Variants in ROBO1 observed in about 807,000 individuals in gnomAD.
ROBO1 encodes the protein roundabout guidance receptor 1.
In ROBO1, 149 loss-of-function variants were observed where a neutral mutation model predicts 195.9. That is an observed-to-expected ratio of 0.76 (90% CI 0.67 to 0.87). The LOEUF (loss-of-function observed/expected upper bound fraction) is 0.87. Among genes scored for constraint, ROBO1 ranks in the 40% least tolerant of loss-of-function variants. The pLI, the probability that ROBO1 is intolerant of heterozygous loss-of-function variation, is 0.00. For synonymous variants in ROBO1, 816 were observed against 733.2 expected (o/e 1.11, Z -1.82); for missense variants, 1,933 against 2,068.3 (o/e 0.93, Z 1.27).
At chr3:78,930,961 G>A (rs1364117569) in intron 4 of ROBO1, among the ~76,000 whole-genome samples, 1 of 151,908 alleles carries the variant, frequency 6.6e-6, no homozygotes, top group African/African-American at 2.4e-5. Flanking sequence ...ATTCCTTCCT[G>A]GCACTTGTCA....
At chr3:78,652,611 A>T (rs1331673074) in intron 18 of ROBO1, among the ~76,000 whole-genome samples, 1 of 152,194 alleles carries the variant, frequency 6.6e-6, no homozygotes, top group Non-Finnish European at 1.5e-5. Context: ...GTTACCATTG[A>T]AAGAGCCATG....
At chr3:78,672,249 A>C (rs575489221) in intron 10 of ROBO1, among the ~76,000 whole-genome samples, 110 of 50,736 alleles carry the variant, frequency 2.2e-3, no homozygotes, top group Non-Finnish European at 4.8e-3. Flanking sequence ...TGGTAAAAAC[A>C]ACAACAACAA....
At chr3:78,900,356 A>T (rs1020902485) in intron 4 of ROBO1, among the ~76,000 whole-genome samples, 28 of 152,176 alleles carry the variant, frequency 1.8e-4, no homozygotes, top group African/African-American at 6.8e-4. Context: ...AATTCCCCAA[A>T]GAATAGGAGA....
chr3:79,369,783 G>A (rs2036121920), intron 2 of ROBO1, among the ~76,000 whole-genome samples: 1 of 151,788 alleles, frequency 6.6e-6, no homozygotes, highest in African/African-American at 2.4e-5. Context: ...GCAATAAGAA[G>A]AAAGTATGCT....
At chr3:79,587,596 G>GA (rs34233068) in intron 2 of ROBO1, among the ~76,000 whole-genome samples, 4 of 151,446 alleles carry the variant, frequency 2.6e-5, no homozygotes, top group Admixed American at 6.6e-5. Flanking sequence ...AGAAAGAGTG[G>GA]AAAAAATCAG....
intron 2 of ROBO1, among the ~76,000 whole-genome samples, chr3:79,208,057 A>G (rs140989512): frequency 1.3e-5 from 2 of 152,340 alleles, no homozygotes; most frequent in African/African-American, 4.8e-5. Context: ...AATTGATGAT[A>G]ACAAATCTAA....
chr3:79,198,300 T>A lies in ROBO1; in HGVS notation c.89-72761A>T, dbSNP rs2081683823. ...CACCATTTATTAAATAGGGAATCCT[T>A]TCTCCATTTTTTGTTTTTGTCAAAT... On this transcript the variant is annotated intron_variant, in intron 2 of 30. Transcript: ENST00000464233. Among the ~76,000 whole-genome samples the A allele has an allele frequency of 1.3e-5, 2 of 152,160 alleles. 1 individual carries two copies. The highest frequency in any genetic ancestry group is 3.8e-4 in the East Asian group (2 of 5,206).
intron 3 of ROBO1, among the ~76,000 whole-genome samples, chr3:79,049,550 C>T (rs1362421709): frequency 6.6e-6 from 1 of 152,004 alleles, no homozygotes; most frequent in Non-Finnish European, 1.5e-5. Context: ...ACAAAGAGCA[C>T]CACAAAGATA....
At chr3:78,863,072 T>G (rs1238076373) in intron 4 of ROBO1, among the ~76,000 whole-genome samples, 1 of 152,200 alleles carries the variant, frequency 6.6e-6, no homozygotes, top group African/African-American at 2.4e-5. Context: ...CAACAGTGAT[T>G]ACGGAAAGTC....
At chr3:79,095,660 C>T (rs1343205151) in intron 3 of ROBO1, among the ~76,000 whole-genome samples, 1 of 152,036 alleles carries the variant, frequency 6.6e-6, no homozygotes, top group Non-Finnish European at 1.5e-5. Flanking sequence ...TTGTTTTAAG[C>T]TGCTAAATTT....
Position 78,719,807 on chromosome 3 carries a change from C to T in ROBO1, c.658-1924G>A, listed in dbSNP as rs140433584. On this transcript the variant is annotated intron_variant, in intron 5 of 30. Coordinates refer to ENST00000464233, the MANE Select transcript of ROBO1 (RefSeq NM_002941.4). The stretch of plus-strand genomic sequence containing the variant: ...TCATTCTTCCCGCTTATGAACAGCA[C>T]TGAAATCAGCATTCTTTTGTATATA... Among the ~76,000 whole-genome samples the T allele has an allele frequency of 2.0e-3, 297 of 152,266 alleles. 2 individuals carry two copies. The highest frequency in any genetic ancestry group is 6.8e-3 in the African/African-American group (283 of 41,544).
intron 4 of ROBO1, among the ~76,000 whole-genome samples, chr3:78,847,334 C>G (rs1454464819): frequency 1.3e-5 from 2 of 152,010 alleles, no homozygotes; most frequent in Admixed American, 1.3e-4. Context: ...ATAATAGGGA[C>G]CAGAAATGTG....
chr3:79,355,948 C>T (rs2035534361), intron 2 of ROBO1, among the ~76,000 whole-genome samples: 1 of 152,120 alleles, frequency 6.6e-6, no homozygotes, highest in Non-Finnish European at 1.5e-5. Context: ...ATTGCTGGAT[C>T]ATATAGTATT....
chr3:78,999,112 G>A (rs2077435589), intron 3 of ROBO1, among the ~76,000 whole-genome samples: 2 of 152,038 alleles, frequency 1.3e-5, no homozygotes, highest in Admixed American at 1.3e-4. Flanking sequence ...ATTATACACT[G>A]TTGGTGGGAA....
intron 2 of ROBO1, among the ~76,000 whole-genome samples, chr3:79,568,887 G>T (rs1251584909): frequency 6.6e-6 from 1 of 151,798 alleles, no homozygotes; most frequent in Admixed American, 6.6e-5. Context: ...TGAAATTTCA[G>T]GAAACTAGTT....
chr3:79,620,712 T>A (rs1446180745), intron 1 of ROBO1, among the ~76,000 whole-genome samples: 1 of 152,006 alleles, frequency 6.6e-6, no homozygotes, highest in Non-Finnish European at 1.5e-5. Context: ...AAGTATGGGA[T>A]ACCTTTACTC....
intron 2 of ROBO1, among the ~76,000 whole-genome samples, chr3:79,428,514 C>T (rs1045746129): frequency 6.6e-6 from 1 of 152,076 alleles, no homozygotes; most frequent in Non-Finnish European, 1.5e-5. Context: ...AGTATATTCT[C>T]TGGTATATTT....
chr3:79,591,260 A>G (rs1034415147), intron 1 of ROBO1, among the ~76,000 whole-genome samples: 2 of 151,860 alleles, frequency 1.3e-5, no homozygotes, highest in Non-Finnish European at 2.9e-5. Context: ...AAAAAAGGTT[A>G]CTAAATTATT....
chr3:78,602,857 T>G (rs1217390567), intron 29 of ROBO1, among the ~76,000 whole-genome samples: 2 of 152,132 alleles, frequency 1.3e-5, no homozygotes, highest in Non-Finnish European at 2.9e-5. Flanking sequence ...TGCTACATTC[T>G]CTAAGACAGT....
Sources: gnomAD v4.1 joint callset for allele counts (sites outside exome capture counted in the v4.1 genomes callset) on GRCh38, gnomAD v4.1.1 for gene constraint, MANE v1.5 for transcripts, NCBI Gene and HGNC (gene_info 2026-07-23, HGNC 2026-07-21) for gene names.